The following KAT6A variants were observed in gnomAD, a reference collection of about 807,000 sequenced individuals.
KAT6A encodes lysine acetyltransferase 6A.
KAT6A carries 9 observed loss-of-function variants against 198.4 expected under a neutral mutation model. That is an observed-to-expected ratio of 0.05 (90% CI 0.03 to 0.08). The LOEUF is 0.08. Among genes scored for constraint, KAT6A ranks in the 10% least tolerant of loss-of-function variants. KAT6A has a pLI of 1.00. For synonymous variants in KAT6A, 890 were observed against 883.0 expected (o/e 1.01, Z -0.14); for missense variants, 2,077 against 2,509.9 (o/e 0.83, Z 3.69).
intron 12 of KAT6A, among the ~76,000 whole-genome samples, chr8:41,945,311 C>A (rs1160085038): frequency 1.3e-5 from 2 of 149,726 alleles, no homozygotes; most frequent in African/African-American, 5.0e-5. Context: ...TTGCTCGTCA[C>A]CCAGGCTAGA....
chr8:42,044,353 G>C (rs182427853), intron 2 of KAT6A, among the ~76,000 whole-genome samples: 7 of 151,620 alleles, frequency 4.6e-5, no homozygotes, highest in Non-Finnish European at 8.8e-5. Flanking sequence ...CCCCCCCCTC[G>C]GCATCCCAAA....
rs1157382918 is a variant in KAT6A, at chr8:42,049,123, C to G, written c.-146G>C. On this transcript the variant is annotated 5_prime_UTR_variant, in exon 2 of 17. Transcript: ENST00000265713. ...TTCTGGCCTAAGTCCTTCCTCCTTT[C>G]ACAAAACAGAATGCCACCCCAATTG... 2.5e-6 allele frequency: 2 copies of G among 800,708 alleles called. No individual in the cohort carries two copies. Among genetic ancestry groups the G allele is most frequent in the Non-Finnish European group, 4.0e-6 (2 of 502,130 alleles). 49.6% of individuals were successfully genotyped at this position (800,708 alleles called of 1,614,324 possible).
chr8:41,932,614 G>A lies in KAT6A; in HGVS notation c.5606C>T (p.Ala1869Val). 6.2e-7 allele frequency: 1 copy of A among 1,614,058 alleles called. No individual in the cohort carries two copies. Among genetic ancestry groups the A allele is most frequent in the Non-Finnish European group, 8.5e-7 (1 of 1,179,892 alleles). ...SKSAPLPSAA[A>V]HQQQLYGRSP... ...ACGGCCATACAGCTGCTGCTGGTGA[G>A]CAGCCGCAGAGGGCAGTGGCGCAGA... Residue 1869 changes from alanine to valine, a missense_variant, in exon 17 of 17, where the codon GCT becomes GTT. Ala to Val is a moderately conservative substitution (Grantham distance 64). Coordinates refer to ENST00000265713, the MANE Select transcript of KAT6A (RefSeq NM_006766.5).
At chr8:41,975,073 T>C (rs1823982963) in intron 7 of KAT6A, among the ~76,000 whole-genome samples, 2 of 152,148 alleles carry the variant, frequency 1.3e-5, no homozygotes, top group African/African-American at 4.8e-5. Context: ...TCATTAAAGA[T>C]TACATTTTAA....
At chr8:42,012,324 C>G (rs558697747) in intron 2 of KAT6A, among the ~76,000 whole-genome samples, 1 of 152,288 alleles carries the variant, frequency 6.6e-6, no homozygotes, top group East Asian at 1.9e-4. Flanking sequence ...CCTAATCCTT[C>G]GAACCTGTAA....
At chr8:42,016,282 G>A (rs1826268751) in intron 2 of KAT6A, among the ~76,000 whole-genome samples, 1 of 152,202 alleles carries the variant, frequency 6.6e-6, no homozygotes, top group Admixed American at 6.5e-5. Flanking sequence ...GGAACTGCGT[G>A]CCAAGGAAGC....
intron 7 of KAT6A, among the ~76,000 whole-genome samples, chr8:41,975,986 A>C (rs187944704): frequency 3.7e-4 from 56 of 152,362 alleles, no homozygotes; most frequent in Admixed American, 3.2e-3. Flanking sequence ...ACTTATCTAC[A>C]GGTTGATAAA....
In KAT6A at chr8:41,937,584, A is replaced by G. The variant is rs781014946; in HGVS notation, c.3040-16T>C. On this transcript the variant is annotated splice_polypyrimidine_tract_variant and intron_variant, in intron 15 of 16. Transcript: ENST00000265713. Reference sequence around the variant, plus strand: ...GAAATGGTTTCTGTTTAATAGAGAAAGCAAGTATTTACAGTTATGAACACT... The same window carrying G: ...GAAATGGTTTCTGTTTAATAGAGAAGGCAAGTATTTACAGTTATGAACACT... The G allele has an allele frequency of 6.3e-7, 1 of 1,586,472 alleles. No homozygotes were observed.
chr8:41,985,091 G>A (rs1824541342), intron 3 of KAT6A, among the ~76,000 whole-genome samples: 1 of 152,012 alleles, frequency 6.6e-6, no homozygotes, highest in Non-Finnish European at 1.5e-5. Flanking sequence ...TAGACGGCAG[G>A]GCTGCAGACA....
At chr8:42,030,403 G>A (rs1827048000) in intron 2 of KAT6A, among the ~76,000 whole-genome samples, 1 of 152,088 alleles carries the variant, frequency 6.6e-6, no homozygotes, top group Admixed American at 6.6e-5. Flanking sequence ...TCCTTTCCGT[G>A]TTTAATTTCA....
At chr8:41,937,153 G>C in intron 16 of KAT6A, 103 bp downstream of exon 16, 1 of 826,240 alleles carries the variant, frequency 1.2e-6, no homozygotes, top group South Asian at 1.8e-5. Context: ...CTTGCTTAGT[G>C]GGTTGTGTTC....
chr8:41,984,980 C>CA (rs1319003756), intron 3 of KAT6A, among the ~76,000 whole-genome samples: 3,181 of 93,334 alleles, frequency 0.034, 99 homozygotes, highest in African/African-American at 0.1. Flanking sequence ...GAGACTGTCT[C>CA]AAAAAAAAAA....
chr8:41,952,251 A>G (rs1488425122), intron 9 of KAT6A, among the ~76,000 whole-genome samples: 2 of 152,230 alleles, frequency 1.3e-5, no homozygotes, highest in African/African-American at 4.8e-5. Context: ...TCATAATCTA[A>G]GCATCAAATA....
chr8:41,933,752 G>A lies in KAT6A; in HGVS notation c.4468C>T (p.Pro1490Ser). ...NSPISSVQSH[P>S]SQSVRSVSSP... is the part of the protein sequence containing the mutation. ...CTGACCGAACGGACTGACTGGCTGG[G>A]GTGAGACTGAACGGAGGAGATAGGG... The change falls in exon 17 of 17, where the codon CCC (proline) becomes TCC (serine). Residue 1490 changes from proline (P) to serine (S), a missense_variant. By Grantham distance (74) the Pro-to-Ser change is moderately conservative (BLOSUM62 -1). Transcript: ENST00000265713. This position sits in a 1 kb window ranked among gnomAD's most constrained non-coding sequence, Gnocchi z 6.2. 6.2e-7 allele frequency: 1 copy of A among 1,614,130 alleles called. No individual in the cohort carries two copies. Among genetic ancestry groups the A allele is most frequent in the Non-Finnish European group, 8.5e-7 (1 of 1,180,024 alleles).
At chr8:41,950,439 G>A (rs1436555549) in intron 9 of KAT6A, among the ~76,000 whole-genome samples, 1 of 152,156 alleles carries the variant, frequency 6.6e-6, no homozygotes, top group Admixed American at 6.5e-5. Context: ...GTCTCCTTAT[G>A]TAGATACAAC....
chr8:41,947,401 A>C (rs978111834), intron 11 of KAT6A, among the ~76,000 whole-genome samples: 12 of 152,258 alleles, frequency 7.9e-5, no homozygotes, highest in African/African-American at 2.7e-4. Context: ...TCTTATTTCT[A>C]TGCCTAAAGT....
At chr8:41,962,293 T>C (rs1372302266) in intron 8 of KAT6A, among the ~76,000 whole-genome samples, 2 of 152,092 alleles carry the variant, frequency 1.3e-5, no homozygotes, top group Non-Finnish European at 1.5e-5. Context: ...CAGAGACACA[T>C]ATCCCACTAT....
chr8:41,957,633 G>A (rs1302121314), intron 8 of KAT6A: 6 of 218,304 alleles, frequency 2.7e-5, no homozygotes, highest in South Asian at 2.4e-4. Context: ...AAAAGAAGAC[G>A]TATGTTCCAG....
intron 2 of KAT6A, among the ~76,000 whole-genome samples, chr8:42,033,577 C>T (rs1827234080): frequency 1.3e-5 from 2 of 152,186 alleles, no homozygotes; most frequent in Non-Finnish European, 2.9e-5. Flanking sequence ...TTTCCCACCG[C>T]ACCCATTTGC....
Sources: gnomAD v4.1 joint callset for allele counts (sites outside exome capture counted in the v4.1 genomes callset) on GRCh38, gnomAD v4.1.1 for gene constraint, Gnocchi (gnomAD v3.1) non-coding constraint, MANE v1.5 for transcripts, NCBI Gene and HGNC (gene_info 2026-07-23, HGNC 2026-07-21) for gene names.